The following TRAF3 variants were observed in gnomAD, a reference collection of about 807,000 sequenced individuals.
TRAF3 encodes TNF receptor associated factor 3, also known as TNF receptor-associated factor 3.
Under a neutral mutation model 62.3 loss-of-function variants are expected in TRAF3, and 13 were observed. That is an observed-to-expected ratio of 0.21 (90% CI 0.14 to 0.33). The LOEUF (loss-of-function observed/expected upper bound fraction) is 0.33, where lower values mean the gene tolerates loss of function less well. Ranked by LOEUF, TRAF3 falls within the 10% of genes least tolerant of loss-of-function variation. The probability of loss-of-function intolerance (pLI) is 1.00; values close to 1 mark genes in which losing one functional copy is unlikely to be tolerated. For missense variants in TRAF3, 440 were observed against 741.8 expected, an observed-to-expected ratio of 0.59 and a Z score of 4.73; for synonymous variants, 269 against 283.4, an observed-to-expected ratio of 0.95 and a Z score of 0.51.
intron 1 of TRAF3, among the ~76,000 whole-genome samples, chr14:102,778,974 G>A (rs1897158055): frequency 6.6e-6 from 1 of 152,184 alleles, no homozygotes; most frequent in South Asian, 2.1e-4. Context: ...CCTTTTCGCC[G>A]CGTTGTGACA....
intron 2 of TRAF3, among the ~76,000 whole-genome samples, chr14:102,850,669 G>A (rs1322836301): frequency 1.5e-5 from 2 of 136,970 alleles, no homozygotes; most frequent in Admixed American, 7.8e-5. Context: ...CAGCCTGGGC[G>A]ATAGAGTGAG....
intron 2 of TRAF3, among the ~76,000 whole-genome samples, chr14:102,843,265 A>G (rs910727746): frequency 1.3e-5 from 2 of 152,112 alleles, no homozygotes; most frequent in Non-Finnish European, 2.9e-5. Flanking sequence ...ATTTATTGCC[A>G]GCAGAATGGC....
intron 8 of TRAF3, 27 bp from the exon 9 acceptor site, chr14:102,891,298 G>C: frequency 6.2e-7 from 1 of 1,607,814 alleles, no homozygotes; most frequent in Non-Finnish European, 8.5e-7. Context: ...GAGGTTCGCT[G>C]AATGCCTCAC....
Position 102,779,269 on chromosome 14 carries a change from CTTTTTTTTTTTT to C in TRAF3, c.-157+1612_-157+1623del, listed in dbSNP as rs61309052. On this transcript the variant is annotated intron_variant, in intron 1 of 11. Transcript: ENST00000392745. ...GAGAGCTGGCCAGGGAGAATTCCAGCTTTTTTTTTTTTTTTTTTTTTTTTTTTTTGAGACATT... is the reference window on the plus strand; with the variant it reads ...GAGAGCTGGCCAGGGAGAATTCCAGCTTTTTTTTTTTTTTTTTGAGACATT... Among the ~76,000 whole-genome samples, 8 of 123,440 alleles carry C rather than the reference CTTTTTTTTTTTT, an allele frequency of 6.5e-5. 1 individual carries two copies. The highest frequency in any genetic ancestry group is 1.1e-4 in the African/African-American group (3 of 28,506). 81.0% of individuals were successfully genotyped at this position (123,440 alleles called of 152,430 possible).
At chr14:102,786,740 T>G (rs910422051) in intron 1 of TRAF3, among the ~76,000 whole-genome samples, 33 of 151,984 alleles carry the variant, frequency 2.2e-4, no homozygotes, top group Admixed American at 2.2e-3. Context: ...GTCCCAGCAC[T>G]TTGAGAGGAT....
chr14:102,800,560 T>C (rs958771445), intron 1 of TRAF3, among the ~76,000 whole-genome samples: 9 of 152,150 alleles, frequency 5.9e-5, no homozygotes, highest in African/African-American at 2.2e-4. Flanking sequence ...CCTCTGAAAA[T>C]GGAATGTTTT....
chr14:102,897,752 T>C (rs1890076628), intron 10 of TRAF3, among the ~76,000 whole-genome samples: 1 of 152,270 alleles, frequency 6.6e-6, no homozygotes, highest in Non-Finnish European at 1.5e-5. Flanking sequence ...GTAGTTGCTG[T>C]GTGCAAAGTC....
chr14:102,897,365 G>T lies in TRAF3; in HGVS notation c.924G>T (p.Met308Ile). Residue 308 changes from methionine to isoleucine, a missense_variant, in exon 10 of 12, where the codon ATG becomes ATT. Coordinates refer to ENST00000392745, the MANE Select transcript of TRAF3 (RefSeq NM_145725.3). ...FEIEIERQKE[M>I]LRNNESKILH... is the part of the protein sequence containing the mutation. ...TTGAAATTGAGAGACAAAAGGAAATGCTTCGAAATAATGAATCCAAAATCC... is the reference window on the plus strand; with the variant it reads ...TTGAAATTGAGAGACAAAAGGAAATTCTTCGAAATAATGAATCCAAAATCC... 1 of 1,613,980 alleles carries T rather than the reference G, an allele frequency of 6.2e-7. No individual in the cohort carries two copies. The highest frequency in any genetic ancestry group is 8.5e-7 in the Non-Finnish European group (1 of 1,179,936).
At chr14:102,809,451 CTG>C (rs1898985538) in intron 1 of TRAF3, among the ~76,000 whole-genome samples, 1 of 150,952 alleles carries the variant, frequency 6.6e-6, no homozygotes, top group Admixed American at 6.6e-5. Context: ...TCTTAAAGCT[CTG>C]TGTCTCCTGG....
chr14:102,894,791 T>A (rs1004869045), intron 9 of TRAF3, among the ~76,000 whole-genome samples: 24 of 152,306 alleles, frequency 1.6e-4, no homozygotes, highest in African/African-American at 5.8e-4. Context: ...AGCCTCGACC[T>A]CCTGGGCTCA....
chr14:102,815,326 T>C (rs1899448056), intron 1 of TRAF3, among the ~76,000 whole-genome samples: 1 of 152,206 alleles, frequency 6.6e-6, no homozygotes, highest in Non-Finnish European at 1.5e-5. Flanking sequence ...TTAGTTCTTT[T>C]CTGCTGTGAT....
Position 102,891,404 on chromosome 14 carries a change from C to A in TRAF3, c.806C>A (p.Ser269Ter). 6.2e-7 allele frequency: 1 copy of A among 1,612,218 alleles called. No homozygotes were observed. Among genetic ancestry groups the A allele is most frequent in the South Asian group, 1.1e-5 (1 of 90,584 alleles). Residue 269 changes from serine (S) to a stop codon, truncating the protein, a stop_gained, in exon 9 of 12, where the codon TCG becomes TAG. Coordinates refer to ENST00000392745, the MANE Select transcript of TRAF3 (RefSeq NM_145725.3). LOFTEE classifies it high-confidence loss of function. ...HVNLLKEWSN[S>*]LEKKVSLLQN... ...AACCTGCTGAAGGAGTGGAGCAACT[C>A]GCTCGAAAAGAAGGTGGGCTGCACA...
At position 102,826,906 on chromosome 14, in the gene TRAF3, G is replaced by A. The variant is rs143210131; in HGVS notation, c.-156-3428G>A. Among the ~76,000 whole-genome samples the A allele has an allele frequency of 3.4e-4, 52 of 152,240 alleles. No homozygotes were observed. The East Asian group carries it at 8.7e-3, about 25-fold the overall frequency. ...TGTGTCCATGCCCTGGTGCCTCCCC[G>A]TGGTCACCATGTGCCTTGGGCAAAT... On this transcript the variant is annotated intron_variant, in intron 1 of 11. Coordinates refer to ENST00000392745, the MANE Select transcript of TRAF3 (RefSeq NM_145725.3). This position sits in a 1 kb window ranked among gnomAD's most constrained non-coding sequence, Gnocchi z 4.6.
chr14:102,841,585 G>A (rs1200280202), intron 2 of TRAF3, among the ~76,000 whole-genome samples: 3 of 152,202 alleles, frequency 2.0e-5, no homozygotes, highest in Admixed American at 2.0e-4. Context: ...GGCTGCTCCC[G>A]ACTTGCCCTA....
At chr14:102,862,401 CAAAAAAA>C (rs34141177) in intron 2 of TRAF3, among the ~76,000 whole-genome samples, 4 of 107,914 alleles carry the variant, frequency 3.7e-5, no homozygotes, top group South Asian at 3.2e-4. Context: ...ATCCCTTCTC[CAAAAAAA>C]AAAAAAAAAA....
chr14:102,792,371 C>T (rs1272991241), intron 1 of TRAF3, among the ~76,000 whole-genome samples: 1 of 151,634 alleles, frequency 6.6e-6, no homozygotes, highest in African/African-American at 2.4e-5. Flanking sequence ...GAGCAGTTCT[C>T]CTGCCTTAGC....
At chr14:102,857,834 T>C (rs1166996749) in intron 2 of TRAF3, among the ~76,000 whole-genome samples, 1 of 152,230 alleles carries the variant, frequency 6.6e-6, no homozygotes, top group African/African-American at 2.4e-5. Flanking sequence ...CAGATTCTTA[T>C]TGCACTTGTG....
chr14:102,812,223 A>T (rs1487538598), intron 1 of TRAF3, among the ~76,000 whole-genome samples: 1 of 151,738 alleles, frequency 6.6e-6, no homozygotes, highest in Non-Finnish European at 1.5e-5. Context: ...AACTTTTTTT[A>T]GCTTCCACAT....
rs1176357495 is a variant in TRAF3, at chr14:102,826,716, A to G, written c.-156-3618A>G. Among the ~76,000 whole-genome samples, 1 of 152,138 alleles carries G rather than the reference A, an allele frequency of 6.6e-6. No individual in the cohort carries two copies. The highest frequency in any genetic ancestry group is 6.5e-5 in the Admixed American group (1 of 15,276). Reference sequence around the variant, plus strand: ...TCATTCGTGCAGTCCTTCACCTCACACCTGTTCAGGGTCCGGCTGGGCTCT... The same window carrying G: ...TCATTCGTGCAGTCCTTCACCTCACGCCTGTTCAGGGTCCGGCTGGGCTCT... On this transcript the variant is annotated intron_variant, in intron 1 of 11. Transcript: ENST00000392745. The surrounding 1 kb of genome is among the most constrained non-coding windows in gnomAD (Gnocchi z 4.6).
Sources: gnomAD v4.1 joint callset for allele counts (sites outside exome capture counted in the v4.1 genomes callset) on GRCh38, gnomAD v4.1.1 for gene constraint, Gnocchi (gnomAD v3.1) non-coding constraint, MANE v1.5 for transcripts, NCBI Gene and HGNC (gene_info 2026-07-23, HGNC 2026-07-21) for gene names.